The following CHN1 variants were observed in gnomAD, a reference collection of about 807,000 sequenced individuals.
The protein encoded by CHN1 is chimerin 1.
A neutral mutation model predicts 59.5 loss-of-function variants in CHN1; 37 were observed. That is an observed-to-expected ratio of 0.62 (90% CI 0.48 to 0.82). CHN1 has a LOEUF of 0.82. Ranked by LOEUF, CHN1 falls within the 40% of genes least tolerant of loss-of-function variation. CHN1 has a pLI of 0.00. For synonymous variants in CHN1, 206 were observed against 200.4 expected, an observed-to-expected ratio of 1.03 and a Z score of -0.24; for missense variants, 469 against 571.0, an observed-to-expected ratio of 0.82 and a Z score of 1.82.
intron 1 of CHN1, among the ~76,000 whole-genome samples, chr2:174,964,065 GAA>G (rs1690512917): frequency 6.6e-6 from 1 of 152,200 alleles, no homozygotes. Flanking sequence ...ATAAATGAAA[GAA>G]AAGATATTCC....
chr2:174,969,275 T>G (rs1018457160), intron 1 of CHN1, among the ~76,000 whole-genome samples: 8 of 152,200 alleles, frequency 5.3e-5, no homozygotes, highest in Admixed American at 2.0e-4. Context: ...TACAACTGCC[T>G]ACAAAGACTG....
intron 6 of CHN1, among the ~76,000 whole-genome samples, chr2:174,867,069 T>A (rs1465786707): frequency 4.0e-5 from 6 of 151,612 alleles, no homozygotes; most frequent in Non-Finnish European, 8.8e-5. Context: ...AATTTTTTTT[T>A]TTTTTTTTAA....
intron 1 of CHN1, among the ~76,000 whole-genome samples, chr2:174,960,737 G>A (rs769569708): frequency 4.6e-5 from 7 of 152,060 alleles, no homozygotes; most frequent in East Asian, 1.9e-4. Flanking sequence ...TAGGAGAATC[G>A]TTTGAACCCA....
At chr2:174,894,994 A>T (rs1688167231) in intron 5 of CHN1, among the ~76,000 whole-genome samples, 1 of 151,542 alleles carries the variant, frequency 6.6e-6, no homozygotes, top group Non-Finnish European at 1.5e-5. Flanking sequence ...CCTGTTAGTC[A>T]CTTAGTAGCT....
At chr2:174,806,148 G>T (rs1684878134) in intron 11 of CHN1, among the ~76,000 whole-genome samples, 1 of 152,138 alleles carries the variant, frequency 6.6e-6, no homozygotes, top group Non-Finnish European at 1.5e-5. Context: ...TAAGGAAGGT[G>T]GGGGTGAGTG....
intron 1 of CHN1, among the ~76,000 whole-genome samples, chr2:175,002,462 A>C (rs1052623642): frequency 2.0e-5 from 3 of 152,250 alleles, no homozygotes; most frequent in Non-Finnish European, 4.4e-5. Flanking sequence ...TAATATACTT[A>C]ACAGGTGAAA....
intron 5 of CHN1, among the ~76,000 whole-genome samples, chr2:174,904,261 A>C (rs1210009203): frequency 6.6e-6 from 1 of 152,118 alleles, no homozygotes; most frequent in East Asian, 1.9e-4. Context: ...ACTCCGTCTC[A>C]AAAAATAAAT....
chr2:174,974,960 C>T (rs1690876715), intron 1 of CHN1, among the ~76,000 whole-genome samples: 2 of 150,032 alleles, frequency 1.3e-5, no homozygotes, highest in Non-Finnish European at 3.0e-5. Context: ...ACAAGCTACA[C>T]TGACCACTGG....
intron 6 of CHN1, among the ~76,000 whole-genome samples, chr2:174,868,415 G>A (rs559336564): frequency 6.6e-6 from 1 of 152,206 alleles, no homozygotes; most frequent in Admixed American, 6.5e-5. Flanking sequence ...GAGTTCTAAA[G>A]ATAGGTCACA....
intron 1 of CHN1, among the ~76,000 whole-genome samples, chr2:174,963,188 A>G (rs934582120): frequency 3.3e-5 from 5 of 152,204 alleles, no homozygotes; most frequent in Admixed American, 2.0e-4. Context: ...GGGTCCAGAT[A>G]TAGTTTGTGC....
chr2:174,854,298 T>C (rs565068701), intron 6 of CHN1, among the ~76,000 whole-genome samples: 2 of 151,992 alleles, frequency 1.3e-5, no homozygotes, highest in South Asian at 4.2e-4. Context: ...ACAATGTACA[T>C]TGCCTATGTC....
chr2:174,942,852 C>T (rs1026904456), intron 3 of CHN1, among the ~76,000 whole-genome samples: 3 of 152,074 alleles, frequency 2.0e-5, no homozygotes, highest in Admixed American at 1.3e-4. Context: ...GCGTTTGAGA[C>T]CAGCTTGGGC....
intron 7 of CHN1, among the ~76,000 whole-genome samples, chr2:174,839,296 C>G (rs1686206422): frequency 6.6e-6 from 1 of 151,912 alleles, no homozygotes; most frequent in South Asian, 2.1e-4. Flanking sequence ...CGTTTATATC[C>G]TTAAAGAAAG....
chr2:174,867,797 A>C (rs918378818), intron 6 of CHN1, among the ~76,000 whole-genome samples: 7 of 152,244 alleles, frequency 4.6e-5, no homozygotes, highest in African/African-American at 1.7e-4. Context: ...AAAGTAGTTT[A>C]TATAGAAGAA....
chr2:174,914,909 T>G (rs1688803680), intron 5 of CHN1, 149 bp downstream of exon 5: 1 of 448,850 alleles, frequency 2.2e-6, no homozygotes, highest in Non-Finnish European at 4.0e-6. Context: ...GAGGAATTTT[T>G]AAAGGGTCTC....
At chr2:174,834,984 G>A (rs2105417036) in intron 7 of CHN1, among the ~76,000 whole-genome samples, 1 of 152,250 alleles carries the variant, frequency 6.6e-6, no homozygotes, top group Non-Finnish European at 1.5e-5. Context: ...ATTACGTGTG[G>A]GATGAACAAC....
chr2:174,817,626 TG>T (rs1459126548), intron 8 of CHN1, among the ~76,000 whole-genome samples: 1 of 150,292 alleles, frequency 6.7e-6, no homozygotes, highest in African/African-American at 2.4e-5. Context: ...TACGCCCAGC[TG>T]ATTTTTTTTT....
intron 5 of CHN1, among the ~76,000 whole-genome samples, chr2:174,884,022 C>T (rs2105339559): frequency 6.9e-6 from 1 of 144,448 alleles, no homozygotes; most frequent in East Asian, 2.0e-4. Flanking sequence ...GGCTGGGGTG[C>T]AGTGGTGCAA....
intron 5 of CHN1, among the ~76,000 whole-genome samples, chr2:174,884,685 C>T (rs1002706950): frequency 1.2e-4 from 19 of 152,152 alleles, no homozygotes; most frequent in African/African-American, 4.6e-4. Context: ...CATAAATGGC[C>T]AAACCCACAT....
Sources: allele counts gnomAD v4.1 joint callset (sites outside exome capture counted in the v4.1 genomes callset), GRCh38; gene constraint gnomAD v4.1.1; transcripts MANE v1.5; gene names NCBI Gene and HGNC (gene_info 2026-07-23, HGNC 2026-07-21).